Variants in SLC29A3 observed in about 807,000 individuals in gnomAD.
The protein encoded by SLC29A3 is solute carrier family 29 member 3.
Under a neutral mutation model 25.4 loss-of-function variants are expected in SLC29A3, and 18 were observed. That is an observed-to-expected ratio of 0.71 (90% CI 0.49 to 1.05). The LOEUF is 1.05. Ranked by LOEUF, SLC29A3 falls within the 50% of genes least tolerant of loss-of-function variation. SLC29A3 has a pLI of 0.00. For synonymous variants in SLC29A3, 258 were observed against 267.1 expected, an observed-to-expected ratio of 0.97 and a Z score of 0.33; for missense variants, 586 against 609.0, an observed-to-expected ratio of 0.96 and a Z score of 0.40.
chr10:71,347,933 A>G (rs1405253744), intron 3 of SLC29A3, among the ~76,000 whole-genome samples: 1 of 152,220 alleles, frequency 6.6e-6, no homozygotes, highest in African/African-American at 2.4e-5. Context: ...GAGGGCTCCC[A>G]TGATGCTGCA....
At chr10:71,344,707 A>T (rs745576124) in intron 3 of SLC29A3, among the ~76,000 whole-genome samples, 1 of 152,224 alleles carries the variant, frequency 6.6e-6, no homozygotes, top group Non-Finnish European at 1.5e-5. Context: ...AAGTTCCAAC[A>T]TTGTAATGGT....
At chr10:71,347,906 T>C (rs920508862) in intron 3 of SLC29A3, among the ~76,000 whole-genome samples, 11 of 152,118 alleles carry the variant, frequency 7.2e-5, no homozygotes, top group Non-Finnish European at 1.2e-4. Flanking sequence ...TATTACCTTG[T>C]AGCGACAGGC....
intron 2 of SLC29A3, among the ~76,000 whole-genome samples, chr10:71,340,942 A>G (rs373555068): frequency 3.3e-5 from 5 of 152,212 alleles, no homozygotes; most frequent in Non-Finnish European, 4.4e-5. Context: ...GAGAGCAAAC[A>G]CAATGGGCGA....
intron 5 of SLC29A3, among the ~76,000 whole-genome samples, chr10:71,359,728 C>A (rs1430369497): frequency 6.6e-6 from 1 of 152,254 alleles, no homozygotes; most frequent in South Asian, 2.1e-4. Flanking sequence ...GAAGCAGGCC[C>A]AGAGAGGGGT....
chr10:71,323,128 G>A, intron 2 of SLC29A3, 74 bp downstream of exon 2: 6 of 1,572,366 alleles, frequency 3.8e-6, no homozygotes, highest in Non-Finnish European at 5.2e-6. Flanking sequence ...GGGGAAGATG[G>A]AGATTTCAGA....
chr10:71,359,013 C>T (rs1263660654), intron 5 of SLC29A3, among the ~76,000 whole-genome samples: 2 of 152,136 alleles, frequency 1.3e-5, no homozygotes, highest in African/African-American at 4.8e-5. Context: ...AGGGCTCAAG[C>T]GATCCTCAAG....
Position 71,351,646 on chromosome 10 carries a change from C to A in SLC29A3, c.468C>A (p.Asp156Glu). 6.2e-7 allele frequency: 1 copy of A among 1,614,188 alleles called. No individual in the cohort carries two copies. Among genetic ancestry groups the A allele is most frequent in the Non-Finnish European group, 8.5e-7 (1 of 1,179,998 alleles). ...TGATAACTGCACTGGTGAAGGTGGA[C>A]ACTTCCTCCTGGACCCGTGGCTTTT... is the stretch of plus-strand genomic sequence containing the variant. ...FMVITALVKV[D>E]TSSWTRGFFA... Residue 156 changes from aspartate (D) to glutamate (E), a missense_variant, in exon 4 of 6, where the codon GAC becomes GAA. By Grantham distance (45) the Asp-to-Glu change is conservative. Transcript: ENST00000373189.
rs10999790 is a variant in SLC29A3, at chr10:71,376,467, T to C, written c.*211+656T>C. ...CATTATACCCATTCTACTAAATGCA[T>C]GTAATAACTATTATACCTCTTAGAT... is the stretch of plus-strand genomic sequence containing the variant. On this transcript the variant is annotated intron_variant and NMD_transcript_variant, in intron 4 of 4. Coordinates refer to the SLC29A3 transcript ENST00000642772. Among the ~76,000 whole-genome samples, 14 of 152,332 alleles carry C rather than the reference T, an allele frequency of 9.2e-5. No individual in the cohort carries two copies. In the East Asian group the frequency reaches 2.5e-3, roughly 27 times the overall value.
At chr10:71,343,588 AG>A (rs1479187251) in intron 2 of SLC29A3, among the ~76,000 whole-genome samples, 3 of 152,186 alleles carry the variant, frequency 2.0e-5, no homozygotes, top group Non-Finnish European at 4.4e-5. Context: ...GTTTCCCTGT[AG>A]GGAGCAGGGC....
chr10:71,343,057 C>T (rs544644352), intron 2 of SLC29A3, among the ~76,000 whole-genome samples: 47 of 152,280 alleles, frequency 3.1e-4, no homozygotes, highest in Non-Finnish European at 6.5e-4. Context: ...ACTGCAGCCT[C>T]GAACTCCTTG....
intron 2 of SLC29A3, among the ~76,000 whole-genome samples, chr10:71,326,645 C>G (rs569166370): frequency 6.6e-6 from 1 of 152,346 alleles, no homozygotes; most frequent in South Asian, 2.1e-4. Flanking sequence ...CAAGCAGCCT[C>G]TGGAGGGAGG....
chr10:71,323,120 G>C (rs1489307642), intron 2 of SLC29A3, 66 bp downstream of exon 2: 3 of 1,585,462 alleles, frequency 1.9e-6, no homozygotes, highest in Non-Finnish European at 2.6e-6. Flanking sequence ...CACATGCAGG[G>C]GAAGATGGAG....
intron 2 of SLC29A3, among the ~76,000 whole-genome samples, chr10:71,336,887 G>A (rs1262023407): frequency 1.3e-5 from 2 of 152,146 alleles, no homozygotes; most frequent in Non-Finnish European, 2.9e-5. Context: ...GGAGAGCCCC[G>A]GGGTGCTCAG....
intron 2 of SLC29A3, among the ~76,000 whole-genome samples, chr10:71,333,285 A>C (rs1262972434): frequency 6.6e-6 from 1 of 152,178 alleles, no homozygotes; most frequent in African/African-American, 2.4e-5. Flanking sequence ...TTGCCTGTTT[A>C]ATGGGTTAAT....
At chr10:71,371,487 A>G (rs900399480) in intron 3 of SLC29A3, among the ~76,000 whole-genome samples, 1 of 152,178 alleles carries the variant, frequency 6.6e-6, no homozygotes, top group Non-Finnish European at 1.5e-5. Context: ...GAGGGGCTAT[A>G]GCTTACATCA....
chr10:71,347,101 A>T (rs1288753345), intron 3 of SLC29A3, among the ~76,000 whole-genome samples: 3 of 152,144 alleles, frequency 2.0e-5, no homozygotes, highest in African/African-American at 7.2e-5. Flanking sequence ...CTGTGGGAAG[A>T]TGGTCTGGGG....
chr10:71,366,293 G>T (rs1847170267), downstream of SLC29A3: 1 of 152,180 alleles, frequency 6.6e-6, no homozygotes. Flanking sequence ...CAGATGTTTG[G>T]CTGAGGACAT....
chr10:71,343,373 C>G (rs1388667600), intron 2 of SLC29A3, among the ~76,000 whole-genome samples: 1 of 152,214 alleles, frequency 6.6e-6, no homozygotes, highest in Non-Finnish European at 1.5e-5. Context: ...ACAGCTGCCA[C>G]ACAGCTGCTT....
chr10:71,324,117 C>G (rs1406585639), intron 2 of SLC29A3, among the ~76,000 whole-genome samples: 2 of 152,170 alleles, frequency 1.3e-5, no homozygotes, highest in Non-Finnish European at 1.5e-5. Context: ...ATAAATGGAG[C>G]TCAACTCTGA....
Sources: gnomAD v4.1 joint callset for allele counts (sites outside exome capture counted in the v4.1 genomes callset) on GRCh38, gnomAD v4.1.1 for gene constraint, MANE v1.5 for transcripts, NCBI Gene and HGNC (gene_info 2026-07-23, HGNC 2026-07-21) for gene names.